TTC27: variants seen among roughly 807,000 people sequenced by gnomAD.
The protein encoded by TTC27 is tetratricopeptide repeat domain 27, also known as tetratricopeptide repeat protein 27.
Under a neutral mutation model 115.9 loss-of-function variants are expected in TTC27, and 79 were observed. That is an observed-to-expected ratio of 0.68 (90% CI 0.57 to 0.82). The LOEUF is 0.82. Among genes scored for constraint, TTC27 ranks in the 40% least tolerant of loss-of-function variants. The pLI, the probability that TTC27 is intolerant of heterozygous loss-of-function variation, is 0.00. For missense variants in TTC27, 1,054 were observed against 993.1 expected, an observed-to-expected ratio of 1.06 and a Z score of -0.82; for synonymous variants, 401 against 356.0, an observed-to-expected ratio of 1.13 and a Z score of -1.42.
At chr2:32,820,456 T>C (rs1671653264) in intron 19 of TTC27, among the ~76,000 whole-genome samples, 1 of 152,220 alleles carries the variant, frequency 6.6e-6, no homozygotes, top group Non-Finnish European at 1.5e-5. Context: ...AATTTGAACA[T>C]AGAATATATT....
rs185841625 is a variant in TTC27, at chr2:32,661,538, A to G, written c.641-2765A>G. ...TTTATTCTCTTTGTAGCAATTTTGAATGGGAGTTCACTCATGATTTGGCTC... is the reference window on the plus strand; with the variant it reads ...TTTATTCTCTTTGTAGCAATTTTGAGTGGGAGTTCACTCATGATTTGGCTC... On this transcript the variant is annotated intron_variant, in intron 5 of 19. Transcript: ENST00000317907. 5.2e-4 allele frequency among the ~76,000 whole-genome samples: 79 copies of G among 152,198 alleles called. 1 individual carries two copies. Among genetic ancestry groups the G allele is most frequent in the African/African-American group, 1.8e-3 (76 of 41,534 alleles).
chr2:32,768,988 T>C (rs537862748), intron 13 of TTC27, among the ~76,000 whole-genome samples: 1 of 152,304 alleles, frequency 6.6e-6, no homozygotes, highest in African/African-American at 2.4e-5. Context: ...GTAGCAGAGA[T>C]TGTTGCTAGT....
intron 10 of TTC27, among the ~76,000 whole-genome samples, chr2:32,724,619 A>T (rs1319100605): frequency 6.6e-6 from 1 of 152,196 alleles, no homozygotes. Flanking sequence ...CTTACAAAAA[A>T]CTTGTGCCAC....
intron 10 of TTC27, among the ~76,000 whole-genome samples, chr2:32,721,792 A>G (rs1419842467): frequency 1.3e-5 from 2 of 152,076 alleles, no homozygotes; most frequent in Non-Finnish European, 2.9e-5. Flanking sequence ...ACACACAACC[A>G]TGCCTGGCTA....
chr2:32,664,231 A>G, intron 5 of TTC27, 72 bp from the exon 6 acceptor site: 1 of 1,337,810 alleles, frequency 7.5e-7, no homozygotes, highest in Non-Finnish European at 1.0e-6. Flanking sequence ...TATGTATTAT[A>G]GACTCTATTT....
At chr2:32,692,891 G>A (rs954707180) in intron 9 of TTC27, among the ~76,000 whole-genome samples, 4 of 151,598 alleles carry the variant, frequency 2.6e-5, no homozygotes, top group African/African-American at 9.7e-5. Flanking sequence ...CAGGAGAATC[G>A]TGTGAACCCA....
chr2:32,750,733 T>C (rs1432152403), intron 12 of TTC27, among the ~76,000 whole-genome samples: 1 of 152,226 alleles, frequency 6.6e-6, no homozygotes, highest in African/African-American at 2.4e-5. Flanking sequence ...AAGTTAAATA[T>C]TTAATTTAAC....
chr2:32,633,227 G>T (rs1283647921), intron 2 of TTC27, among the ~76,000 whole-genome samples: 1 of 152,136 alleles, frequency 6.6e-6, no homozygotes, highest in South Asian at 2.1e-4. Flanking sequence ...ATAATTTTCC[G>T]TGGAGATAGA....
chr2:32,685,713 T>C (rs774797282), intron 9 of TTC27, among the ~76,000 whole-genome samples: 24 of 152,172 alleles, frequency 1.6e-4, no homozygotes, highest in Non-Finnish European at 2.2e-4. Context: ...AAACTAGGAA[T>C]AGAAGAGAAT....
At chr2:32,630,494 G>A in intron 1 of TTC27, 29 bp from the exon 2 acceptor site, 2 of 1,543,652 alleles carry the variant, frequency 1.3e-6, no homozygotes, top group Non-Finnish European at 1.7e-6. Flanking sequence ...ATTTTTTTTG[G>A]ATTACCGCAC....
At chr2:32,798,475 G>A (rs933939920) in intron 16 of TTC27, among the ~76,000 whole-genome samples, 6 of 151,592 alleles carry the variant, frequency 4.0e-5, no homozygotes, top group East Asian at 1.9e-4. Context: ...AGGCCGAGGC[G>A]GGCGGATCAC....
intron 4 of TTC27, among the ~76,000 whole-genome samples, chr2:32,648,314 G>T (rs889505633): frequency 6.6e-6 from 1 of 151,772 alleles, no homozygotes; most frequent in African/African-American, 2.4e-5. Flanking sequence ...TTTTTAGTAG[G>T]AACCGGGTTT....
rs191092054 is a variant in TTC27, at chr2:32,787,482, T to G, written c.1998+333T>G. 3.4e-3 allele frequency among the ~76,000 whole-genome samples: 523 copies of G among 152,324 alleles called. 3 individuals are homozygous for G. The highest frequency in any genetic ancestry group is 0.012 in the African/African-American group (494 of 41,588). ...GTATCTCTGTGTGTTCTCTGACTTT[T>G]GGTAGCTGGAATAAATCCTATACTC... On this transcript the variant is annotated intron_variant, in intron 16 of 19. Coordinates refer to ENST00000317907, the MANE Select transcript of TTC27 (RefSeq NM_017735.5).
At chr2:32,660,963 G>A (rs1009576047) in intron 5 of TTC27, among the ~76,000 whole-genome samples, 1 of 152,016 alleles carries the variant, frequency 6.6e-6, no homozygotes, top group Non-Finnish European at 1.5e-5. Context: ...TAAGGAAGGG[G>A]TCCAGTTTCA....
intron 11 of TTC27, among the ~76,000 whole-genome samples, chr2:32,735,389 A>G (rs915684802): frequency 5.9e-5 from 9 of 152,188 alleles, no homozygotes; most frequent in African/African-American, 2.2e-4. Flanking sequence ...CTGAGCTGTT[A>G]TGACAAAATG....
intron 16 of TTC27, among the ~76,000 whole-genome samples, chr2:32,797,588 A>G (rs1670752533): frequency 6.6e-6 from 1 of 152,194 alleles, no homozygotes; most frequent in South Asian, 2.1e-4. Flanking sequence ...ACCCTTACCT[A>G]ACACTGTATA....
intron 15 of TTC27, among the ~76,000 whole-genome samples, chr2:32,784,493 A>G (rs893557844): frequency 6.6e-6 from 1 of 152,216 alleles, no homozygotes; most frequent in African/African-American, 2.4e-5. Flanking sequence ...TGTGGTCACA[A>G]GATTCTTCAC....
intron 2 of TTC27, among the ~76,000 whole-genome samples, chr2:32,632,444 G>C (rs1236675697): frequency 6.6e-6 from 1 of 152,134 alleles, no homozygotes; most frequent in Non-Finnish European, 1.5e-5. Flanking sequence ...AAGCTAAAAA[G>C]AGACATTTCA....
At chr2:32,813,605 C>T (rs185384056) in intron 18 of TTC27, among the ~76,000 whole-genome samples, 2 of 152,294 alleles carry the variant, frequency 1.3e-5, no homozygotes, top group East Asian at 1.9e-4. Flanking sequence ...CTCACCACCA[C>T]CCTCTTCCTT....
Sources: gnomAD v4.1 joint callset for allele counts (sites outside exome capture counted in the v4.1 genomes callset) on GRCh38, gnomAD v4.1.1 for gene constraint, MANE v1.5 for transcripts, NCBI Gene and HGNC (gene_info 2026-07-23, HGNC 2026-07-21) for gene names.